The following PTPRM variants were observed in gnomAD, a reference collection of about 807,000 sequenced individuals.
PTPRM encodes the protein protein tyrosine phosphatase receptor type M.
In PTPRM, 47 loss-of-function variants were observed where a neutral mutation model predicts 186.7. The ratio of observed to expected loss-of-function variants is 0.25; its 90% confidence interval spans 0.20 to 0.32. The LOEUF (loss-of-function observed/expected upper bound fraction) is 0.32, where lower values mean the gene tolerates loss of function less well. PTPRM is among the 10% of genes least tolerant of loss of function. PTPRM has a pLI of 1.00. For missense variants in PTPRM, 1,494 were observed against 1,865.0 expected, an observed-to-expected ratio of 0.80 and a Z score of 3.66; for synonymous variants, 668 against 674.9, an observed-to-expected ratio of 0.99 and a Z score of 0.16.
At chr18:8,309,814 A>G (rs946676969) in intron 20 of PTPRM, among the ~76,000 whole-genome samples, 6 of 152,198 alleles carry the variant, frequency 3.9e-5, no homozygotes, top group Admixed American at 2.0e-4. Context: ...GTCTGCAGGC[A>G]TATGCCATCA....
chr18:8,379,490 A>G, intron 28 of PTPRM, 150 bp downstream of exon 28: 1 of 898,242 alleles, frequency 1.1e-6, no homozygotes, highest in Non-Finnish European at 1.6e-6. Flanking sequence ...TTCAGATTCC[A>G]CGTATGTTTT....
At chr18:8,361,809 C>G (rs773911887) in intron 23 of PTPRM, among the ~76,000 whole-genome samples, 2 of 152,208 alleles carry the variant, frequency 1.3e-5, no homozygotes, top group Non-Finnish European at 2.9e-5. Context: ...TGCCTGCCTG[C>G]CAGGCTTCTT....
At chr18:7,835,134 A>G (rs1223867272) in intron 2 of PTPRM, among the ~76,000 whole-genome samples, 10 of 143,938 alleles carry the variant, frequency 6.9e-5, no homozygotes, top group African/African-American at 2.6e-4. Context: ...TATTTATTCT[A>G]CTAAACTTGG....
intron 22 of PTPRM, among the ~76,000 whole-genome samples, chr18:8,334,704 G>C (rs1287485895): frequency 1.3e-5 from 2 of 152,172 alleles, no homozygotes; most frequent in Non-Finnish European, 2.9e-5. Flanking sequence ...GTTCTTTACT[G>C]TTCACATTCA....
At chr18:7,788,676 G>T (rs1015707191) in intron 2 of PTPRM, among the ~76,000 whole-genome samples, 3 of 152,200 alleles carry the variant, frequency 2.0e-5, no homozygotes, top group African/African-American at 7.2e-5. Flanking sequence ...AATTTCATGT[G>T]CATGGATAGC....
chr18:7,814,455 A>G (rs922675577), intron 2 of PTPRM: 1 of 152,238 alleles, frequency 6.6e-6, no homozygotes, highest in Non-Finnish European at 1.5e-5. Flanking sequence ...AGAATGGATG[A>G]TATTTCAACA....
intron 7 of PTPRM, among the ~76,000 whole-genome samples, chr18:7,966,526 G>T (rs2054071575): frequency 6.6e-6 from 1 of 151,358 alleles, no homozygotes; most frequent in Non-Finnish European, 1.5e-5. Flanking sequence ...GGTGATTTCT[G>T]CATTTCCATC....
chr18:8,269,060 C>T (rs994821225), intron 19 of PTPRM, among the ~76,000 whole-genome samples: 1 of 151,892 alleles, frequency 6.6e-6, no homozygotes, highest in Non-Finnish European at 1.5e-5. Flanking sequence ...AAATCCAAGC[C>T]AGAGCAATTA....
At chr18:7,712,509 G>A (rs1159466304) in intron 1 of PTPRM, among the ~76,000 whole-genome samples, 1 of 152,052 alleles carries the variant, frequency 6.6e-6, no homozygotes, top group Non-Finnish European at 1.5e-5. Flanking sequence ...AAACTGGATG[G>A]AGAATGAGTT....
chr18:8,179,393 C>A (rs1053480316), intron 14 of PTPRM, among the ~76,000 whole-genome samples: 3 of 151,726 alleles, frequency 2.0e-5, no homozygotes, highest in African/African-American at 7.3e-5. Flanking sequence ...ATACATTTAA[C>A]TCCTGTTCTA....
chr18:8,368,891 G>A (rs1036348055), intron 23 of PTPRM, among the ~76,000 whole-genome samples: 1 of 152,190 alleles, frequency 6.6e-6, no homozygotes, highest in Non-Finnish European at 1.5e-5. Context: ...CACCCTTTAT[G>A]TGCTGGCCAG....
intron 2 of PTPRM, among the ~76,000 whole-genome samples, chr18:7,831,745 C>G (rs1052738145): frequency 6.6e-6 from 1 of 152,112 alleles, no homozygotes; most frequent in Non-Finnish European, 1.5e-5. Flanking sequence ...TAACCATCTC[C>G]ACCTTCATCT....
At chr18:7,961,405 G>C (rs905025537) in intron 7 of PTPRM, among the ~76,000 whole-genome samples, 1 of 152,242 alleles carries the variant, frequency 6.6e-6, no homozygotes, top group East Asian at 1.9e-4. Context: ...CTTATTCCAC[G>C]TAGCATAATG....
chr18:7,856,496 C>T (rs566437556), intron 2 of PTPRM, among the ~76,000 whole-genome samples: 53 of 151,864 alleles, frequency 3.5e-4, no homozygotes, highest in Admixed American at 2.9e-3. Flanking sequence ...AATCCCAGCA[C>T]GGAGGGCTGA....
intron 8 of PTPRM, among the ~76,000 whole-genome samples, chr18:8,071,832 C>T (rs184207426): frequency 3.2e-4 from 48 of 152,346 alleles, no homozygotes; most frequent in African/African-American, 1.0e-3. Flanking sequence ...GTGTTATTCA[C>T]ATCCCTCTGA....
At chr18:7,868,931 C>T (rs1210933188) in intron 2 of PTPRM, among the ~76,000 whole-genome samples, 2 of 152,200 alleles carry the variant, frequency 1.3e-5, no homozygotes, top group Non-Finnish European at 2.9e-5. Flanking sequence ...AGTCTGGCTA[C>T]AGCAGCTTTG....
At chr18:7,838,461 T>A (rs1408638978) in intron 2 of PTPRM, among the ~76,000 whole-genome samples, 1 of 152,220 alleles carries the variant, frequency 6.6e-6, no homozygotes, top group Non-Finnish European at 1.5e-5. Flanking sequence ...GGAAGAATTC[T>A]CTGGATTACC....
intron 14 of PTPRM, among the ~76,000 whole-genome samples, chr18:8,223,786 A>G (rs2094182115): frequency 6.6e-6 from 1 of 152,216 alleles, no homozygotes; most frequent in Admixed American, 6.5e-5. Context: ...CTTTCATAAC[A>G]TTTAATATGG....
chr18:7,933,983 A>G (rs2146884216), intron 5 of PTPRM, among the ~76,000 whole-genome samples: 1 of 152,338 alleles, frequency 6.6e-6, no homozygotes, highest in Middle Eastern at 3.4e-3. Context: ...CCCTTTGCCT[A>G]GGTTTTCTTA....
Sources: gnomAD v4.1 joint callset for allele counts (sites outside exome capture counted in the v4.1 genomes callset) on GRCh38, gnomAD v4.1.1 for gene constraint, MANE v1.5 for transcripts, NCBI Gene and HGNC (gene_info 2026-07-23, HGNC 2026-07-21) for gene names.